SAMD9: variants seen among roughly 807,000 people sequenced by gnomAD.
SAMD9 encodes sterile alpha motif domain containing 9.
In SAMD9, 3 loss-of-function variants were observed where a neutral mutation model predicts 1.5. The ratio of observed to expected loss-of-function variants is 2.05; its 90% CI spans 0.93 to 5.29. The LOEUF (loss-of-function observed/expected upper bound fraction) is 5.29. Ranked by LOEUF, SAMD9 falls within the 30% of genes most tolerant of loss-of-function variation. SAMD9 has a pLI of 0.02. For missense variants in SAMD9, 1,597 were observed against 1,820.8 expected, an observed-to-expected ratio of 0.88 and a Z score of 2.24; for synonymous variants, 635 against 631.9, an observed-to-expected ratio of 1.00 and a Z score of -0.07.
Position 93,101,711 on chromosome 7 carries a change from A to G in SAMD9, c.4387T>C (p.Ser1463Pro), listed in dbSNP as rs935789587. ...ATATGTTTATATTGCCCCTTGAAAG[A>G]ATTTTTTAGTGCTTGAGCATACTCT... is the stretch of plus-strand genomic sequence containing the variant. ...MKEYAQALKN[S>P]FKGQYKHMHR... is the part of the protein sequence containing the mutation. The change falls in exon 3 of 3, where the codon TCT becomes CCT. Residue 1463 changes from serine (S) to proline (P), a missense_variant. Around this residue, in one of 6 missense-constraint regions of SAMD9, gnomAD observed 682 missense variants for 810.0 expected, o/e 0.84. Coordinates refer to ENST00000379958, the MANE Select transcript of SAMD9 (RefSeq NM_017654.4). 1.9e-6 allele frequency: 3 copies of G among 1,613,612 alleles called. No homozygotes were observed. In the African/African-American group the frequency reaches 4.0e-5, roughly 22 times the overall value.
intron 1 of SAMD9, among the ~76,000 whole-genome samples, chr7:93,115,337 A>G (rs143508676): frequency 6.6e-6 from 1 of 152,364 alleles, no homozygotes; most frequent in African/African-American, 2.4e-5. Context: ...GAAGTTAAAT[A>G]TATACCTACT....
At position 93,105,797 on chromosome 7, in the gene SAMD9, C is replaced by A. The variant is rs1203790711; in HGVS notation, c.301G>T (p.Val101Leu). 1.9e-6 allele frequency: 3 copies of A among 1,614,124 alleles called. No individual in the cohort carries two copies. In the Admixed American group the frequency reaches 5.0e-5, roughly 27 times the overall value. The change falls in exon 3 of 3, where the codon GTG becomes TTG. Residue 101 changes from valine to leucine, a missense_variant. Val to Leu is a conservative substitution (Grantham distance 32, BLOSUM62 1). Transcript: ENST00000379958. ...PSKNAPKDQT[V>L]SQKERRETSK... ...GTTTCTCTACGTTCCTTTTGAGACACAGTTTGGTCTTTAGGAGCATTTTTA... is the reference window on the plus strand; with the variant it reads ...GTTTCTCTACGTTCCTTTTGAGACAAAGTTTGGTCTTTAGGAGCATTTTTA...
Position 93,102,575 on chromosome 7 carries a change from A to G in SAMD9, c.3523T>C (p.Tyr1175His), listed in dbSNP as rs200851267. 6.2e-7 allele frequency: 1 copy of G among 1,613,572 alleles called. No individual in the cohort carries two copies. The highest frequency in any genetic ancestry group is 1.1e-5 in the South Asian group (1 of 91,066). ...GGATACAATCTTTCCTTCACTTCAT[A>G]CTCTCTATCTTCACTTTGCTGTTGA... ...ESQQQSEDRE[Y>H]EVKERLYPKS... The change falls in exon 3 of 3, where the codon TAT becomes CAT. Residue 1175 changes from tyrosine (Y) to histidine (H), a missense_variant. Coordinates refer to ENST00000379958, the MANE Select transcript of SAMD9 (RefSeq NM_017654.4).
intron 2 of SAMD9, among the ~76,000 whole-genome samples, chr7:93,109,732 T>G (rs1003463098): frequency 1.3e-5 from 2 of 151,948 alleles, no homozygotes; most frequent in African/African-American, 4.8e-5. Context: ...ATTAATGAAA[T>G]GAAGCCAGAA....
rs2116411107 is a variant in SAMD9, at chr7:93,101,064, A to G, written c.*264T>C. ...ACACTAACTTCTCCTGACTCCAGTC[A>G]TAGCTCCTTATTATTTTGTCATCAA... On this transcript the variant is annotated 3_prime_UTR_variant, in exon 3 of 3. Coordinates refer to ENST00000379958, the MANE Select transcript of SAMD9 (RefSeq NM_017654.4). 4.2e-6 allele frequency: 2 copies of G among 477,236 alleles called. No individual in the cohort carries two copies. Among genetic ancestry groups the G allele is most frequent in the Middle Eastern group, 5.9e-4 (1 of 1,694 alleles). 29.6% of individuals were successfully genotyped at this position (477,236 alleles called of 1,614,324 possible).
rs764837624 is a variant in SAMD9 at position 93,102,743 on chromosome 7, T to A, written c.3355A>T (p.Ile1119Phe). 5.0e-6 allele frequency: 8 copies of A among 1,613,768 alleles called. No individual in the cohort carries two copies. The South Asian group carries it at 8.8e-5, about 18-fold the overall frequency. ...TAGACTTGACCCAGTGTATCTGAGA[T>A]ATAAGAATTGTCAGGTTCTATGATT... ...AKIIEPDNSY[I>F]SDTLGQVYKS... Residue 1119 changes from isoleucine to phenylalanine, a missense_variant, in exon 3 of 3, where the codon ATC becomes TTC. By Grantham distance (21) the Ile-to-Phe change is conservative (BLOSUM62 0). Transcript: ENST00000379958.
chr7:93,102,674 C>T lies in SAMD9; in HGVS notation c.3424G>A (p.Gly1142Arg), dbSNP rs749260299. Residue 1142 changes from glycine (G) to arginine (R), a missense_variant, in exon 3 of 3, where the codon GGG (glycine) becomes AGG (arginine). By Grantham distance (125) the Gly-to-Arg change is moderately radical. Around this residue, in one of 6 missense-constraint regions of SAMD9, gnomAD observed 682 missense variants for 810.0 expected, o/e 0.84. Transcript: ENST00000379958. ...RWWIEENGGNGNISVDDLIAL... is the reference protein window; with the variant it reads ...RWWIEENGGNRNISVDDLIAL... ...ATTAGATCATCAACTGAAATGTTCCCGTTTCCTCCGTTTTCCTCTATCCAC... is the reference window on the plus strand; with the variant it reads ...ATTAGATCATCAACTGAAATGTTCCTGTTTCCTCCGTTTTCCTCTATCCAC... 12 of 1,613,900 alleles carry T rather than the reference C, an allele frequency of 7.4e-6. No individual in the cohort carries two copies. Among genetic ancestry groups the T allele is most frequent in the South Asian group, 2.2e-5 (2 of 91,076 alleles).
rs780371064 is a variant in SAMD9, at chr7:93,104,551, T to C, written c.1547A>G (p.Glu516Gly). The C allele has an allele frequency of 1.2e-6, 2 of 1,614,054 alleles. No homozygotes were observed. Among genetic ancestry groups the C allele is most frequent in the South Asian group, 1.1e-5 (1 of 91,082 alleles). The change falls in exon 3 of 3, where the codon GAA becomes GGA. Residue 516 changes from glutamate to glycine, a missense_variant. Transcript: ENST00000379958. ...CAGTTTCCTGACATCAGAAGCTCTTTCTCTTTGCCAGGAACTTGGATCAAA... is the reference window on the plus strand; with the variant it reads ...CAGTTTCCTGACATCAGAAGCTCTTCCTCTTTGCCAGGAACTTGGATCAAA... ...KPFDPSSWQR[E>G]RASDVRKLIS...
At position 93,103,621 on chromosome 7, in the gene SAMD9, T is replaced by C. The variant is rs780941321; in HGVS notation, c.2477A>G (p.Glu826Gly). 8.1e-6 allele frequency: 13 copies of C among 1,613,606 alleles called. No homozygotes were observed. The South Asian group carries it at 1.3e-4, about 16-fold the overall frequency. ...TAIAKKYIRY[E>G]KPLVIILNCM... Reference sequence around the variant, plus strand: ...ATTTAGGATAATCACCAGAGGTTTTTCATATCGAATGTACTTTTTAGCTAT... The same window carrying C: ...ATTTAGGATAATCACCAGAGGTTTTCCATATCGAATGTACTTTTTAGCTAT... The change falls in exon 3 of 3, where the codon GAA becomes GGA. Residue 826 changes from glutamate (E) to glycine (G), a missense_variant. By Grantham distance (98) the Glu-to-Gly change is moderately conservative (BLOSUM62 -2). Transcript: ENST00000379958.
chr7:93,101,531 C>A lies in SAMD9; in HGVS notation c.4567G>T (p.Val1523Phe). ...QSGDVWKEEKVQELLLRLQGR... is the reference protein window; with the variant it reads ...QSGDVWKEEKFQELLLRLQGR... The stretch of plus-strand genomic sequence containing the variant: ...TGTAAACGAAGCAAAAGTTCTTGGA[C>A]TTTTTCCTCCTTCCACACATCTCCA... The change falls in exon 3 of 3, where the codon GTC (valine) becomes TTC (phenylalanine). Residue 1523 changes from valine to phenylalanine, a missense_variant. Val to Phe is a conservative substitution (Grantham distance 50). Around this residue, in one of 6 missense-constraint regions of SAMD9, gnomAD observed 682 missense variants for 810.0 expected, o/e 0.84. Transcript: ENST00000379958. 1 of 1,613,780 alleles carries A rather than the reference C, an allele frequency of 6.2e-7. No individual in the cohort carries two copies. Among genetic ancestry groups the A allele is most frequent in the Non-Finnish European group, 8.5e-7 (1 of 1,179,764 alleles).
Position 93,102,984 on chromosome 7 carries a change from T to G in SAMD9, c.3114A>C (p.Arg1038Ser). The stretch of plus-strand genomic sequence containing the variant: ...TTTCACCTTCATGTTCATCGCGGTG[T>G]CTTGTGAGTAGGAGTGTGTGCATAT... ...LQDMHTLLLT[R>S]HRDEHEGETG... Residue 1038 changes from arginine to serine, a missense_variant, in exon 3 of 3, where the codon AGA (arginine) becomes AGC (serine). Arg to Ser is a moderately radical substitution (Grantham distance 110). Transcript: ENST00000379958. 6.2e-7 allele frequency: 1 copy of G among 1,613,876 alleles called. No individual in the cohort carries two copies. Among genetic ancestry groups the G allele is most frequent in the Non-Finnish European group, 8.5e-7 (1 of 1,179,816 alleles).
intron 2 of SAMD9, among the ~76,000 whole-genome samples, chr7:93,113,415 C>T (rs1473943974): frequency 2.0e-5 from 3 of 152,178 alleles, no homozygotes; most frequent in Non-Finnish European, 4.4e-5. Context: ...ATGACTAAAA[C>T]ACCAAAAGCA....
rs180705437 is a variant in SAMD9, at chr7:93,105,067, C to T, written c.1031G>A (p.Arg344Gln). 21 of 1,613,960 alleles carry T rather than the reference C, an allele frequency of 1.3e-5. No individual in the cohort carries two copies. Among genetic ancestry groups the T allele is most frequent in the Admixed American group, 6.7e-5 (4 of 60,006 alleles). Residue 344 changes from arginine (R) to glutamine (Q), a missense_variant, in exon 3 of 3, where the codon CGA (arginine) becomes CAA (glutamine). By Grantham distance (43) the Arg-to-Gln change is conservative. Coordinates refer to ENST00000379958, the MANE Select transcript of SAMD9 (RefSeq NM_017654.4). ...EQSKKFSLFV[R>Q]DGTSSKDITK... ...AATGTCCTTAGAGCTGGTCCCATCT[C>T]GCACAAATAGTGAGAATTTTTTACT...
chr7:93,113,700 T>C (rs1286312834), intron 2 of SAMD9, among the ~76,000 whole-genome samples: 4 of 152,118 alleles, frequency 2.6e-5, no homozygotes, highest in East Asian at 1.9e-4. Flanking sequence ...TGAAAAAATG[T>C]TCATCATCAC....
At position 93,102,827 on chromosome 7, in the gene SAMD9, G is replaced by C; in HGVS notation, c.3271C>G (p.His1091Asp). Reference sequence around the variant, plus strand: ...AAGTCCTTCTTTTTAATGTAGAAATGTCTTGCCAACGCTTGGCAAATGAAT... The same window carrying C: ...AAGTCCTTCTTTTTAATGTAGAAATCTCTTGCCAACGCTTGGCAAATGAAT... ...NAFICQALAR[H>D]FYIKKKDFGN... The change falls in exon 3 of 3, where the codon CAT (histidine) becomes GAT (aspartate). Residue 1091 changes from histidine (H) to aspartate (D), a missense_variant. This residue lies in a region of SAMD9 where 682 missense variants were observed against 810.0 expected (regional missense o/e 0.84). Transcript: ENST00000379958. 6.2e-7 allele frequency: 1 copy of C among 1,613,822 alleles called. No homozygotes were observed. The highest frequency in any genetic ancestry group is 8.5e-7 in the Non-Finnish European group (1 of 1,179,794).
chr7:93,101,512 C>T lies in SAMD9; in HGVS notation c.4586G>A (p.Arg1529His), dbSNP rs149966534. The part of the protein sequence containing the change: ...KEEKVQELLL[R>H]LQGRAENNCL... ...ATTGTTTTCAGCTCGACCTTGTAAA[C>T]GAAGCAAAAGTTCTTGGACTTTTTC... is the stretch of plus-strand genomic sequence containing the variant. Residue 1529 changes from arginine to histidine, a missense_variant, in exon 3 of 3, where the codon CGT becomes CAT. Physicochemically the swap from Arg to His is conservative, Grantham distance 29. This residue lies in a region of SAMD9 where 682 missense variants were observed against 810.0 expected (regional missense o/e 0.84). Transcript: ENST00000379958. The T allele has an allele frequency of 1.3e-4, 215 of 1,613,734 alleles. 1 individual carries two copies. The highest frequency in any genetic ancestry group is 3.3e-4 in the Middle Eastern group (2 of 6,062).
rs1373901312 is a variant in SAMD9, at chr7:93,103,008, A to G, written c.3090T>C (p.Asp1030=). 6.2e-7 allele frequency: 1 copy of G among 1,613,688 alleles called. No homozygotes were observed. Among genetic ancestry groups the G allele is most frequent in the Non-Finnish European group, 8.5e-7 (1 of 1,179,804 alleles). ...TGMGKSKFLQ[D]MHTLLLTRHR... Reference sequence around the variant, plus strand: ...GTCTTGTGAGTAGGAGTGTGTGCATATCTTGCAAAAATTTACTTTTTCCCA... The same window carrying G: ...GTCTTGTGAGTAGGAGTGTGTGCATGTCTTGCAAAAATTTACTTTTTCCCA... The change falls in exon 3 of 3, where the codon GAT becomes GAC. Residue 1030 remains aspartate, a synonymous_variant. Coordinates refer to ENST00000379958, the MANE Select transcript of SAMD9 (RefSeq NM_017654.4).
At chr7:93,108,647 G>C (rs1791687403) in intron 2 of SAMD9, among the ~76,000 whole-genome samples, 1 of 152,188 alleles carries the variant, frequency 6.6e-6, no homozygotes, top group African/African-American at 2.4e-5. Flanking sequence ...CACACCAGAA[G>C]ATTATATTCT....
chr7:93,111,843 G>A, intron 2 of SAMD9, among the ~76,000 whole-genome samples: 1 of 152,092 alleles, frequency 6.6e-6, no homozygotes, highest in Admixed American at 6.6e-5. Flanking sequence ...AAAAGTCCAG[G>A]ACCAGATGGA....
Sources: allele counts gnomAD v4.1 joint callset (sites outside exome capture counted in the v4.1 genomes callset), GRCh38; gene constraint gnomAD v4.1.1; regional missense constraint gnomAD v4.1.1; transcripts MANE v1.5; gene names NCBI Gene and HGNC (gene_info 2026-07-23, HGNC 2026-07-21).